Variants in SEMA6D observed in about 807,000 individuals in gnomAD.
The protein encoded by SEMA6D is semaphorin 6D, also known as semaphorin-6D.
In SEMA6D, 35 loss-of-function variants were observed where a neutral mutation model predicts 106.6. That is an observed-to-expected ratio of 0.33 (90% CI 0.25 to 0.44). The LOEUF (loss-of-function observed/expected upper bound fraction) is 0.44, where lower values mean the gene tolerates loss of function less well. Ranked by LOEUF, SEMA6D falls within the 20% of genes least tolerant of loss-of-function variation. SEMA6D has a pLI of 1.00. For missense variants in SEMA6D, 1,185 were observed against 1,345.9 expected (o/e 0.88, Z 1.87); for synonymous variants, 499 against 487.7 (o/e 1.02, Z -0.31).
chr15:47,287,625 T>C (rs1337151507), intron 1 of SEMA6D, among the ~76,000 whole-genome samples: 1 of 152,168 alleles, frequency 6.6e-6, no homozygotes, highest in Non-Finnish European at 1.5e-5. Flanking sequence ...CCTAAATTGT[T>C]CCACATCCAC....
chr15:47,670,517 A>G (rs892201834), intron 4 of SEMA6D, among the ~76,000 whole-genome samples: 2 of 152,226 alleles, frequency 1.3e-5, no homozygotes, highest in African/African-American at 2.4e-5. Flanking sequence ...GAGAATGCAC[A>G]TGGGGAAGGC....
chr15:47,259,590 G>T (rs2033971306), intron 1 of SEMA6D, among the ~76,000 whole-genome samples: 1 of 151,540 alleles, frequency 6.6e-6, no homozygotes, highest in African/African-American at 2.4e-5. Context: ...ATTTCTCTGT[G>T]GCTGCTTTCA....
intron 1 of SEMA6D, among the ~76,000 whole-genome samples, chr15:47,751,350 C>G (rs543625032): frequency 6.6e-6 from 1 of 152,306 alleles, no homozygotes; most frequent in South Asian, 2.1e-4. Flanking sequence ...CAAGTTGCTT[C>G]TCTTTGCCCT....
intron 1 of SEMA6D, among the ~76,000 whole-genome samples, chr15:47,394,037 C>G (rs553779885): frequency 3.3e-5 from 5 of 152,162 alleles, no homozygotes; most frequent in Non-Finnish European, 5.9e-5. Context: ...CTCCCTGGTT[C>G]TTATACCTAC....
At chr15:47,290,596 A>G (rs1435621885) in intron 1 of SEMA6D, among the ~76,000 whole-genome samples, 1 of 146,986 alleles carries the variant, frequency 6.8e-6, no homozygotes, top group Non-Finnish European at 1.5e-5. Flanking sequence ...AATTACTACA[A>G]ATATATAACA....
At chr15:47,635,331 T>C (rs958034912) in intron 4 of SEMA6D, among the ~76,000 whole-genome samples, 4 of 151,980 alleles carry the variant, frequency 2.6e-5, no homozygotes, top group African/African-American at 9.7e-5. Flanking sequence ...GGCCTTGGGG[T>C]GATCAACACA....
At chr15:47,284,858 C>T (rs2035289712) in intron 1 of SEMA6D, among the ~76,000 whole-genome samples, 1 of 152,114 alleles carries the variant, frequency 6.6e-6, no homozygotes, top group East Asian at 1.9e-4. Context: ...ATTAAACTGC[C>T]AGTTATTAGA....
At chr15:47,473,842 T>G (rs994487074) in intron 3 of SEMA6D, among the ~76,000 whole-genome samples, 7 of 152,108 alleles carry the variant, frequency 4.6e-5, no homozygotes, top group African/African-American at 1.7e-4. Context: ...TTCTTTCCCC[T>G]TGGACTCTTA....
At chr15:47,367,666 A>G (rs2039083286) in intron 1 of SEMA6D, among the ~76,000 whole-genome samples, 1 of 148,072 alleles carries the variant, frequency 6.8e-6, no homozygotes, top group South Asian at 2.2e-4. Context: ...TCCCCTAAAC[A>G]CGCACGCTCA....
intron 1 of SEMA6D, among the ~76,000 whole-genome samples, chr15:47,756,992 G>A (rs911560563): frequency 5.3e-5 from 8 of 151,838 alleles, no homozygotes; most frequent in African/African-American, 1.9e-4. Flanking sequence ...AGTGGTAGGG[G>A]GTGGGGCATG....
intron 1 of SEMA6D, among the ~76,000 whole-genome samples, chr15:47,728,043 C>T (rs1052659924): frequency 3.9e-5 from 6 of 152,208 alleles, no homozygotes; most frequent in African/African-American, 7.2e-5. Context: ...TTGGCTTTAT[C>T]ATTTTTGTTT....
At chr15:47,238,891 G>A (rs2032728300) in intron 1 of SEMA6D, among the ~76,000 whole-genome samples, 1 of 152,128 alleles carries the variant, frequency 6.6e-6, no homozygotes, top group Non-Finnish European at 1.5e-5. Context: ...GAATAAATAT[G>A]CCACTCAACT....
chr15:47,642,234 A>G (rs548189658), intron 4 of SEMA6D, among the ~76,000 whole-genome samples: 1 of 152,348 alleles, frequency 6.6e-6, no homozygotes, highest in East Asian at 1.9e-4. Flanking sequence ...TAGAGGCATT[A>G]ACTATGGACA....
chr15:47,328,162 C>T (rs1346421283), intron 1 of SEMA6D, among the ~76,000 whole-genome samples: 1 of 152,080 alleles, frequency 6.6e-6, no homozygotes, highest in Non-Finnish European at 1.5e-5. Context: ...AAGACAAAAA[C>T]CAATTTTAAA....
In SEMA6D at chr15:47,764,286, G is replaced by T; in HGVS notation, c.1078G>T (p.Asp360Tyr). ...TTCTGTTTGGACAGCAGTTCCCGAA[G>T]ACAAAGTGCCAAAGCCAAGGTAAAT... ...PDSVWTAVPE[D>Y]KVPKPRPGCC... The change falls in exon 11 of 19, where the codon GAC becomes TAC. Residue 360 changes from aspartate (D) to tyrosine (Y), a missense_variant. Transcript: ENST00000536845. The T allele has an allele frequency of 6.2e-7, 1 of 1,613,430 alleles. No homozygotes were observed. The highest frequency in any genetic ancestry group is 1.1e-5 in the South Asian group (1 of 90,986).
At chr15:47,525,395 C>G (rs2044718720) in intron 3 of SEMA6D, 1 of 152,218 alleles carries the variant, frequency 6.6e-6, no homozygotes, top group Non-Finnish European at 1.5e-5. Flanking sequence ...AGTGAAATCT[C>G]TGCTGCATAG....
In SEMA6D at chr15:47,386,365, G is replaced by T. The variant is rs147244714; in HGVS notation, c.-238-26028G>T. Among the ~76,000 whole-genome samples, 554 of 152,248 alleles carry T rather than the reference G, an allele frequency of 3.6e-3. 6 individuals are homozygous for T. Among genetic ancestry groups the T allele is most frequent in the African/African-American group, 0.013 (538 of 41,554 alleles). On this transcript the variant is annotated intron_variant, in intron 1 of 19. Coordinates refer to the SEMA6D transcript ENST00000558014. Reference sequence around the variant, plus strand: ...GAAGGAGACATCATAAGCTACATTTGCCCAGGGTCTTCACGAAGCAGACAC... The same window carrying T: ...GAAGGAGACATCATAAGCTACATTTTCCCAGGGTCTTCACGAAGCAGACAC...
At chr15:47,203,641 T>C (rs1267608908) in intron 1 of SEMA6D, among the ~76,000 whole-genome samples, 1 of 152,176 alleles carries the variant, frequency 6.6e-6, no homozygotes, top group Non-Finnish European at 1.5e-5. Context: ...CCCATGCTCA[T>C]GTGTGTATGT....
chr15:47,252,449 G>A (rs1363649629), intron 1 of SEMA6D, among the ~76,000 whole-genome samples: 1 of 152,020 alleles, frequency 6.6e-6, no homozygotes, highest in African/African-American at 2.4e-5. Flanking sequence ...ACAACACACT[G>A]TTATGAGCTG....
Sources: gnomAD v4.1 joint callset for allele counts (sites outside exome capture counted in the v4.1 genomes callset) on GRCh38, gnomAD v4.1.1 for gene constraint, MANE v1.5 for transcripts, NCBI Gene and HGNC (gene_info 2026-07-23, HGNC 2026-07-21) for gene names.